Variants in C10orf90 observed in about 807,000 individuals in gnomAD.
C10orf90 encodes the protein chromosome 10 open reading frame 90, also known as (E2-independent) E3 ubiquitin-conjugating enzyme FATS.
In C10orf90, 56 loss-of-function variants were observed where a neutral mutation model predicts 62.5. The observed-to-expected ratio is 0.90, with a 90% confidence interval of 0.72 to 1.12. The LOEUF is 1.12. Ranked by LOEUF, C10orf90 falls within the 50% of genes most tolerant of loss-of-function variation. The pLI is 0.00. For missense variants in C10orf90, 970 were observed against 880.4 expected (o/e 1.10, Z -1.29); for synonymous variants, 386 against 340.4 (o/e 1.13, Z -1.47).
intron 4 of C10orf90, among the ~76,000 whole-genome samples, chr10:126,503,543 G>C (rs960326014): frequency 6.6e-6 from 1 of 152,180 alleles, no homozygotes; most frequent in Non-Finnish European, 1.5e-5. Context: ...AAAGTAGAAA[G>C]TACAGAAATC....
At chr10:126,448,205 A>G (rs1052349524) in intron 7 of C10orf90, among the ~76,000 whole-genome samples, 3 of 151,848 alleles carry the variant, frequency 2.0e-5, no homozygotes, top group African/African-American at 7.3e-5. Context: ...CAATGGTATG[A>G]AACTACAGTA....
In C10orf90 at chr10:126,637,669, G is replaced by A. The variant is rs571873101; in HGVS notation, c.313+8896C>T. ...AGGGTCATGGCCACTTGGCAGGATG[G>A]AATCCACAGGCATGGGCAGGGATCC... On this transcript the variant is annotated intron_variant, in intron 2 of 9. Coordinates refer to ENST00000488181, the MANE Select transcript of C10orf90 (RefSeq NM_001350921.2). 3.9e-5 allele frequency among the ~76,000 whole-genome samples: 6 copies of A among 152,298 alleles called. No individual in the cohort carries two copies. In the South Asian group the frequency reaches 1.2e-3, roughly 32 times the overall value.
intron 2 of C10orf90, among the ~76,000 whole-genome samples, chr10:126,627,265 G>T (rs1845764510): frequency 6.6e-6 from 1 of 152,282 alleles, no homozygotes; most frequent in South Asian, 2.1e-4. Context: ...TTCCCAAAGT[G>T]CTGGGATTAC....
rs75906659 is a variant in C10orf90, at chr10:126,524,604, C to A, written c.314-10665G>T. 2,187 of 985,076 alleles carry A rather than the reference C, an allele frequency of 2.2e-3. 39 individuals are homozygous for A. In the African/African-American group the frequency reaches 0.034, roughly 15 times the overall value. 61.0% of individuals were successfully genotyped at this position (985,076 alleles called of 1,614,324 possible). A position where few individuals can be genotyped will look rare whatever the true frequency, so the allele number is the denominator to read the frequency against. On this transcript the variant is annotated intron_variant, in intron 2 of 9. Coordinates refer to ENST00000488181, the MANE Select transcript of C10orf90 (RefSeq NM_001350921.2). ...CCCCATTTTGGGAGCCTTAGTAGGA[C>A]ACAGCATGATATGCTGGGAGGGGTC...
At chr10:126,652,527 T>C (rs1048378838) in intron 1 of C10orf90, among the ~76,000 whole-genome samples, 3 of 152,168 alleles carry the variant, frequency 2.0e-5, no homozygotes, top group Admixed American at 1.3e-4. Flanking sequence ...ATTTCTGCTC[T>C]TGGAGGTGCA....
At chr10:126,495,865 AG>A (rs1446755709) in intron 4 of C10orf90, among the ~76,000 whole-genome samples, 1 of 152,130 alleles carries the variant, frequency 6.6e-6, no homozygotes, top group African/African-American at 2.4e-5. Context: ...TCCTGTGGAC[AG>A]CTTGGATGAT....
Position 126,504,821 on chromosome 10 carries a change from C to T in C10orf90, c.670G>A (p.Glu224Lys), listed in dbSNP as rs1392371846. 7 of 1,599,580 alleles carry T rather than the reference C, an allele frequency of 4.4e-6. No homozygotes were observed. The highest frequency in any genetic ancestry group is 1.1e-5 in the South Asian group (1 of 88,372). ...GPEAELPPKEERPCGGPRRGF... is the reference protein window; with the variant it reads ...GPEAELPPKEKRPCGGPRRGF... The stretch of plus-strand genomic sequence containing the variant: ...CTGCGGGGGCCCCCACAGGGTCTCT[C>T]CTCTTTGGGCGGCAGCTCTGCCTCA... The change falls in exon 4 of 10, where the codon GAG (glutamate) becomes AAG (lysine). Residue 224 changes from glutamate to lysine, a missense_variant. Glu to Lys is a moderately conservative substitution (Grantham distance 56). Transcript: ENST00000488181. This position sits in a 1 kb window ranked among gnomAD's most constrained non-coding sequence, Gnocchi z 4.1.
intron 2 of C10orf90, among the ~76,000 whole-genome samples, chr10:126,627,765 T>C (rs186185799): frequency 9.0e-4 from 137 of 152,322 alleles, no homozygotes; most frequent in African/African-American, 2.9e-3. Context: ...TCCTCCCTTG[T>C]ATTTTTTAGG....
At chr10:126,568,877 G>A (rs1419334031) in intron 2 of C10orf90, among the ~76,000 whole-genome samples, 1 of 152,154 alleles carries the variant, frequency 6.6e-6, no homozygotes, top group Non-Finnish European at 1.5e-5. Context: ...GTTAGGGCAT[G>A]AGGATCTTAA....
At chr10:126,592,114 C>A (rs754002436) in intron 2 of C10orf90, among the ~76,000 whole-genome samples, 5 of 152,146 alleles carry the variant, frequency 3.3e-5, no homozygotes, top group African/African-American at 7.2e-5. Context: ...TGAAAATAGC[C>A]ATACTGCCCA....
intron 2 of C10orf90, among the ~76,000 whole-genome samples, chr10:126,519,489 T>C (rs1863625969): frequency 1.3e-5 from 2 of 152,180 alleles, no homozygotes; most frequent in African/African-American, 4.8e-5. Context: ...CTCTCCTACC[T>C]ACATCATTAG....
chr10:126,534,490 C>T (rs12573358), intron 2 of C10orf90, among the ~76,000 whole-genome samples: 8 of 152,208 alleles, frequency 5.3e-5, no homozygotes, highest in East Asian at 3.9e-4. Flanking sequence ...ATATTTTTCC[C>T]GAAAGAGGCT....
chr10:126,615,159 G>A lies in C10orf90; in HGVS notation c.313+31406C>T, dbSNP rs561874617. Among the ~76,000 whole-genome samples the A allele has an allele frequency of 5.9e-4, 90 of 152,216 alleles. 1 individual carries two copies. The highest frequency in any genetic ancestry group is 1.9e-3 in the African/African-American group (80 of 41,526). ...GGTTTCCAGAAATTAGAGAGGATGC[G>A]CCCTACCTCACCAAACCTGTCAAGC... On this transcript the variant is annotated intron_variant, in intron 2 of 9. Coordinates refer to ENST00000488181, the MANE Select transcript of C10orf90 (RefSeq NM_001350921.2).
chr10:126,605,782 C>T (rs1231532118), intron 2 of C10orf90, among the ~76,000 whole-genome samples: 1 of 152,122 alleles, frequency 6.6e-6, no homozygotes. Context: ...GGGAACTCAA[C>T]AGCCCAAGAG....
In C10orf90 at chr10:126,511,874, TAAAGA is replaced by T. The variant is rs1442687607; in HGVS notation, c.405+1969_405+1973del. The T allele has an allele frequency of 3.3e-5, 5 of 152,236 alleles. No individual in the cohort carries two copies. The East Asian group carries it at 7.7e-4, about 24-fold the overall frequency. The allele number at this position is 152,236 out of a possible 1,614,324, so 9.4% of individuals were successfully genotyped here. Reference sequence around the variant, plus strand: ...TAAGAGGAAAATTTAAAAAACTTCTTAAAGAAGAGAACTCCGTTCTGCATTTACTC... The same window carrying T: ...TAAGAGGAAAATTTAAAAAACTTCTTAGAGAACTCCGTTCTGCATTTACTC... On this transcript the variant is annotated intron_variant, in intron 3 of 9. Coordinates refer to ENST00000488181, the MANE Select transcript of C10orf90 (RefSeq NM_001350921.2).
chr10:126,459,274 G>C (rs563689292), intron 6 of C10orf90, 57 bp from the exon 7 acceptor site: 1 of 1,586,322 alleles, frequency 6.3e-7, no homozygotes, highest in Non-Finnish European at 8.6e-7. Flanking sequence ...GAAAGGCAAC[G>C]CATCTGTCTG....
intron 7 of C10orf90, among the ~76,000 whole-genome samples, chr10:126,457,550 C>T (rs1227828923): frequency 1.3e-5 from 2 of 152,170 alleles, no homozygotes; most frequent in South Asian, 4.1e-4. Context: ...AAAAGGAAGC[C>T]CTCCGTGCCA....
intron 4 of C10orf90, among the ~76,000 whole-genome samples, chr10:126,494,708 G>A (rs895057838): frequency 7.9e-5 from 12 of 152,298 alleles, no homozygotes; most frequent in African/African-American, 2.9e-4. Context: ...TTTAACTTCC[G>A]ATTCTATAGA....
At position 126,487,142 on chromosome 10, in the gene C10orf90, CAAAAAAAAAAAAA is replaced by C. The variant is rs1158481155; in HGVS notation, c.1534+16802_1534+16814del. Reference sequence around the variant, plus strand: ...CTGGGCAACAACAGTAAAACTCTGTCAAAAAAAAAAAAAAAAAAAAAAAAAAGAAAGAAAGAAC... The same window carrying C: ...CTGGGCAACAACAGTAAAACTCTGTCAAAAAAAAAAAAAGAAAGAAAGAAC... On this transcript the variant is annotated intron_variant, in intron 4 of 9. Coordinates refer to ENST00000488181, the MANE Select transcript of C10orf90 (RefSeq NM_001350921.2). Among the ~76,000 whole-genome samples, 26 of 29,460 alleles carry C rather than the reference CAAAAAAAAAAAAA, an allele frequency of 8.8e-4. 1 individual carries two copies. The highest frequency in any genetic ancestry group is 7.4e-3 in the Admixed American group (15 of 2,020). 19.3% of individuals were successfully genotyped at this position (29,460 alleles called of 152,430 possible). A position where few individuals can be genotyped will look rare whatever the true frequency, so the allele number is the denominator to read the frequency against.
Sources: gnomAD v4.1 joint callset for allele counts (sites outside exome capture counted in the v4.1 genomes callset) on GRCh38, gnomAD v4.1.1 for gene constraint, Gnocchi (gnomAD v3.1) non-coding constraint, MANE v1.5 for transcripts, NCBI Gene and HGNC (gene_info 2026-07-23, HGNC 2026-07-21) for gene names.